PHF21B: variants seen among roughly 807,000 people sequenced by gnomAD.
PHF21B encodes the protein PHD finger protein 21B.
PHF21B carries 22 observed loss-of-function variants against 62.2 expected under a neutral mutation model. That is an observed-to-expected ratio of 0.35 (90% CI 0.25 to 0.51). PHF21B has a LOEUF of 0.51. Ranked by LOEUF, PHF21B falls within the 20% of genes least tolerant of loss-of-function variation. PHF21B has a pLI of 0.97. For synonymous variants in PHF21B, 341 were observed against 314.7 expected, an observed-to-expected ratio of 1.08 and a Z score of -0.88; for missense variants, 701 against 707.9, an observed-to-expected ratio of 0.99 and a Z score of 0.11.
chr22:44,889,629 T>G, intron 9 of PHF21B, 131 bp downstream of exon 9: 3 of 1,179,754 alleles, frequency 2.5e-6, no homozygotes, highest in African/African-American at 3.2e-5. Flanking sequence ...TCTTAGCACC[T>G]AAAGGCAGAA....
In PHF21B at chr22:44,885,542, A is replaced by AG. The variant is rs776425147; in HGVS notation, c.1274-14dup. 6.3e-7 allele frequency: 1 copy of AG among 1,576,896 alleles called. No homozygotes were observed. The highest frequency in any genetic ancestry group is 1.3e-5 in the African/African-American group (1 of 74,392). The stretch of plus-strand genomic sequence containing the variant: ...TCCTCTTCTTTGACTAGAAAAGAGA[A>AG]GGCCAGGTCCCTGGAGAGGGGCAGG... On this transcript the variant is annotated splice_polypyrimidine_tract_variant and intron_variant, in intron 11 of 12. Coordinates refer to ENST00000313237, the MANE Select transcript of PHF21B (RefSeq NM_138415.5).
chr22:44,919,971 G>C (rs1263928206), intron 3 of PHF21B, among the ~76,000 whole-genome samples: 1 of 152,242 alleles, frequency 6.6e-6, no homozygotes, highest in Middle Eastern at 3.2e-3. Flanking sequence ...CCCAGAGTCT[G>C]TGCTGCCCCT....
Position 44,881,747 on chromosome 22 carries a change from G to T in PHF21B, c.*1339C>A, listed in dbSNP as rs987873432. ...AATTCGGCACCATGTGATATGCTCG[G>T]GGTGGGAGCCCGTGGCTCCTGGACG... is the stretch of plus-strand genomic sequence containing the variant. On this transcript the variant is annotated 3_prime_UTR_variant, in exon 13 of 13. Coordinates refer to ENST00000313237, the MANE Select transcript of PHF21B (RefSeq NM_138415.5). 3 of 152,730 alleles carry T rather than the reference G, an allele frequency of 2.0e-5. No individual in the cohort carries two copies. The highest frequency in any genetic ancestry group is 2.0e-4 in the Admixed American group (3 of 15,290). The allele number at this position is 152,730 out of a possible 1,614,324, so 9.5% of individuals were successfully genotyped here.
chr22:44,994,887 C>T (rs1018160383), intron 2 of PHF21B, among the ~76,000 whole-genome samples: 9 of 152,240 alleles, frequency 5.9e-5, no homozygotes, highest in Admixed American at 6.5e-5. Context: ...ACTTGGGGAG[C>T]GCCAGGGCGA....
chr22:45,008,348 G>C (rs1403611088), intron 2 of PHF21B, 197 bp downstream of exon 2: 3 of 462,246 alleles, frequency 6.5e-6, no homozygotes, highest in Non-Finnish European at 1.1e-5. Flanking sequence ...CGCAGGGCCC[G>C]GCTCTCCCTG....
chr22:44,918,894 C>T (rs2147309405), intron 3 of PHF21B, among the ~76,000 whole-genome samples: 1 of 152,298 alleles, frequency 6.6e-6, no homozygotes, highest in South Asian at 2.1e-4. Context: ...CCCTGCTGCC[C>T]AAGGGTCACC....
chr22:44,969,592 G>C (rs2072597583), intron 2 of PHF21B, among the ~76,000 whole-genome samples: 1 of 152,130 alleles, frequency 6.6e-6, no homozygotes, highest in East Asian at 1.9e-4. Flanking sequence ...CTTGAACCTG[G>C]GAGGTAGAGG....
At position 44,888,081 on chromosome 22, in the gene PHF21B, C is replaced by A. The variant is rs747889782; in HGVS notation, c.1079G>T (p.Arg360Leu). The A allele has an allele frequency of 2.6e-6, 4 of 1,547,172 alleles. No individual in the cohort carries two copies. Among genetic ancestry groups the A allele is most frequent in the Non-Finnish European group, 2.6e-6 (3 of 1,146,080 alleles). Residue 360 changes from arginine (R) to leucine (L), a missense_variant, in exon 10 of 13, where the codon CGA becomes CTA. By Grantham distance (102) the Arg-to-Leu change is moderately radical (BLOSUM62 -2). Coordinates refer to ENST00000313237, the MANE Select transcript of PHF21B (RefSeq NM_138415.5). ...GCCGCAGGGCTGCAGGTTGGCCCCT[C>A]GCTTGCAGGCGGCACAGTGCTCATC... ...THDEHCAACK[R>L]GANLQPCGTC...
chr22:44,979,817 C>G (rs563168613), intron 2 of PHF21B, among the ~76,000 whole-genome samples: 1 of 151,898 alleles, frequency 6.6e-6, no homozygotes, highest in African/African-American at 2.4e-5. Flanking sequence ...TTCTGTAATC[C>G]TAGCACTTTG....
chr22:45,008,512 C>T, intron 2 of PHF21B, 33 bp downstream of exon 2: 2 of 1,523,582 alleles, frequency 1.3e-6, no homozygotes, highest in South Asian at 2.5e-5. Flanking sequence ...CCTCCCGCCC[C>T]ATCCCAGGGG....
intron 5 of PHF21B, among the ~76,000 whole-genome samples, chr22:44,906,563 C>A (rs2071254060): frequency 6.6e-6 from 1 of 152,244 alleles, no homozygotes; most frequent in Admixed American, 6.5e-5. Context: ...GAGGCCAGGA[C>A]AATGGCTGGC....
At position 45,008,401 on chromosome 22, in the gene PHF21B, G is replaced by T. The variant is rs1601708400; in HGVS notation, c.120+144C>A. ...GCTCTTTCTTTCCAGGAAAGGGGAG[G>T]GGTGGGGAACTTTGAGAACTGGAGA... On this transcript the variant is annotated intron_variant, in intron 2 of 12. Coordinates refer to ENST00000313237, the MANE Select transcript of PHF21B (RefSeq NM_138415.5). 1.0e-5 allele frequency: 7 copies of T among 680,646 alleles called. No individual in the cohort carries two copies. The East Asian group carries it at 2.5e-4, about 24-fold the overall frequency. 42.2% of individuals were successfully genotyped at this position (680,646 alleles called of 1,614,324 possible). A position where few individuals can be genotyped will look rare whatever the true frequency, so the allele number is the denominator to read the frequency against.
intron 12 of PHF21B, among the ~76,000 whole-genome samples, chr22:44,884,369 CACCACCACCACCATCACG>C (rs2070808698): frequency 4.4e-5 from 2 of 45,408 alleles, no homozygotes; most frequent in Non-Finnish European, 1.1e-4. Flanking sequence ...TCACCAACGT[CACCACCACCACCATCACG>C]GTGATGAGCA....
At chr22:44,963,079 G>A (rs1221517057) in intron 2 of PHF21B, among the ~76,000 whole-genome samples, 2 of 152,232 alleles carry the variant, frequency 1.3e-5, no homozygotes, top group Admixed American at 1.3e-4. Flanking sequence ...CACAGGGGCT[G>A]CCCCCCAGAT....
At chr22:44,895,409 T>G (rs973059386) in intron 6 of PHF21B, among the ~76,000 whole-genome samples, 3 of 151,996 alleles carry the variant, frequency 2.0e-5, no homozygotes, top group Non-Finnish European at 2.9e-5. Context: ...CTTCGTAGAG[T>G]CACAGTGCCC....
chr22:44,955,976 C>T (rs2072288594), intron 2 of PHF21B, among the ~76,000 whole-genome samples: 1 of 152,204 alleles, frequency 6.6e-6, no homozygotes, highest in South Asian at 2.1e-4. Flanking sequence ...TCTATATGAG[C>T]CCTGGCCCAC....
intron 2 of PHF21B, among the ~76,000 whole-genome samples, chr22:44,969,460 GC>G (rs1180938664): frequency 6.6e-6 from 1 of 152,180 alleles, no homozygotes; most frequent in African/African-American, 2.4e-5. Flanking sequence ...GAGGTCAGGA[GC>G]CCAAGACCAG....
intron 2 of PHF21B, among the ~76,000 whole-genome samples, chr22:44,970,093 G>A (rs1312379009): frequency 1.3e-5 from 2 of 152,230 alleles, no homozygotes; most frequent in Non-Finnish European, 2.9e-5. Flanking sequence ...CAGAGCCCAG[G>A]GAGGCTGTGC....
At chr22:44,933,410 C>T (rs1041864858) in intron 2 of PHF21B, 1 of 966,362 alleles carries the variant, frequency 1.0e-6, no homozygotes, top group Non-Finnish European at 1.2e-6. Flanking sequence ...TGCGCTCGGC[C>T]TCTTCTATTT....
Sources: allele counts gnomAD v4.1 joint callset (sites outside exome capture counted in the v4.1 genomes callset), GRCh38; gene constraint gnomAD v4.1.1; transcripts MANE v1.5; gene names NCBI Gene and HGNC (gene_info 2026-07-23, HGNC 2026-07-21).